Variants in KRT80 observed in about 807,000 individuals in gnomAD.
The protein encoded by KRT80 is keratin, type II cytoskeletal 80.
In KRT80, 36 loss-of-function variants were observed where a neutral mutation model predicts 51.5. The observed-to-expected ratio is 0.70, with a 90% CI of 0.54 to 0.92. KRT80 has a LOEUF of 0.92. Ranked by LOEUF, KRT80 falls within the 40% of genes least tolerant of loss-of-function variation. KRT80 has a pLI of 0.00. For missense variants in KRT80, 566 were observed against 591.7 expected (o/e 0.96, Z 0.45); for synonymous variants, 235 against 248.3 (o/e 0.95, Z 0.50).
chr12:52,171,644 G>A lies in KRT80; in HGVS notation c.1234+14C>T, dbSNP rs1268761592. 6 of 1,551,674 alleles carry A rather than the reference G, an allele frequency of 3.9e-6. No homozygotes were observed. In the African/African-American group the frequency reaches 6.8e-5, roughly 18 times the overall value. On this transcript the variant is annotated intron_variant, in intron 8 of 8. Transcript: ENST00000394815. ...CCTCACCCCACCATGGGTTCTCGGG[G>A]CAAGAGGACTCACCGGTTTTGCACC...
intron 4 of KRT80, among the ~76,000 whole-genome samples, chr12:52,174,212 C>T (rs1041190979): frequency 6.6e-6 from 1 of 152,212 alleles, no homozygotes; most frequent in Non-Finnish European, 1.5e-5. Context: ...GGACGAGCAG[C>T]TCCTTGTGGG....
rs1292082482 is a variant in KRT80, at chr12:52,173,624, C to A, written c.807G>T (p.Glu269Asp). ...CCTGGCTCCGAGAGTATGCCTCGGC[C>A]TCCTCCAGGCTGCGAGCCGCGACGG... is the stretch of plus-strand genomic sequence containing the variant. Reference protein sequence around the residue: ...YDAVAARSLEEAEAYSRSQLE... With the variant: ...YDAVAARSLEDAEAYSRSQLE... The change falls in exon 5 of 9, where the codon GAG becomes GAT. Residue 269 changes from glutamate to aspartate, a missense_variant. By Grantham distance (45) the Glu-to-Asp change is conservative. Coordinates refer to ENST00000394815, the MANE Select transcript of KRT80 (RefSeq NM_182507.3). The A allele has an allele frequency of 3.7e-6, 6 of 1,612,864 alleles. No individual in the cohort carries two copies. The highest frequency in any genetic ancestry group is 5.1e-6 in the Non-Finnish European group (6 of 1,180,036).
At chr12:52,181,539 C>T (rs1181732328) in intron 2 of KRT80, among the ~76,000 whole-genome samples, 2 of 152,216 alleles carry the variant, frequency 1.3e-5, no homozygotes, top group African/African-American at 4.8e-5. Context: ...TGCATCACCC[C>T]TCCTCTCTTG....
Position 52,176,767 on chromosome 12 carries a change from C to T in KRT80, c.667-3003G>A, listed in dbSNP as rs562906671. On this transcript the variant is annotated intron_variant, in intron 4 of 8. Coordinates refer to ENST00000394815, the MANE Select transcript of KRT80 (RefSeq NM_182507.3). Reference sequence around the variant, plus strand: ...AAGTGTTGGGATTACAGGCGTGAGCCACTGTGCCCGGCCAATCACTTCTTA... The same window carrying T: ...AAGTGTTGGGATTACAGGCGTGAGCTACTGTGCCCGGCCAATCACTTCTTA... Among the ~76,000 whole-genome samples, 25 of 152,344 alleles carry T rather than the reference C, an allele frequency of 1.6e-4. 1 individual carries two copies. The South Asian group carries it at 2.9e-3, about 18-fold the overall frequency.
chr12:52,177,597 T>A (rs1941250447), intron 4 of KRT80, among the ~76,000 whole-genome samples: 1 of 151,944 alleles, frequency 6.6e-6, no homozygotes, highest in African/African-American at 2.4e-5. Flanking sequence ...GAGCTCCTAC[T>A]CAGTTGGCTT....
In KRT80 at chr12:52,169,299, T is replaced by A. The variant is rs1941045896; in HGVS notation, c.*2099A>T. 6.6e-6 allele frequency: 1 copy of A among 152,210 alleles called. No homozygotes were observed. Among genetic ancestry groups the A allele is most frequent in the African/African-American group, 2.4e-5 (1 of 41,444 alleles). 9.4% of individuals were successfully genotyped at this position (152,210 alleles called of 1,614,324 possible). A position where few individuals can be genotyped will look rare whatever the true frequency, so the allele number is the denominator to read the frequency against. On this transcript the variant is annotated 3_prime_UTR_variant, in exon 9 of 9. Transcript: ENST00000394815. ...TCCCACCAGGCTCCACTTCCAACAC[T>A]GGGAATTACATTTCAACATGAGATT...
rs114586587 is a variant in KRT80, at chr12:52,185,458, G to A, written c.430C>T (p.Arg144Cys). ...EYQGRLQEEL[R>C]KVSQERGQLE... ...TGCCCCCGCTCCTGGCTCACTTTGC[G>A]CAGTTCCTCCTGCAGCCGGCCCTGA... The change falls in exon 2 of 9, where the codon CGC becomes TGC. Residue 144 changes from arginine (R) to cysteine (C), a missense_variant. Physicochemically the swap from Arg to Cys is radical, Grantham distance 180 (BLOSUM62 -3). Coordinates refer to ENST00000394815, the MANE Select transcript of KRT80 (RefSeq NM_182507.3). 1,710 of 1,613,990 alleles carry A rather than the reference G, an allele frequency of 1.1e-3. 13 individuals are homozygous for A. In the African/African-American group the frequency reaches 0.019, roughly 18 times the overall value.
chr12:52,178,919 C>T (rs1438808012), intron 4 of KRT80, among the ~76,000 whole-genome samples: 1 of 151,720 alleles, frequency 6.6e-6, no homozygotes, highest in East Asian at 1.9e-4. Context: ...CCAAGGACTG[C>T]AAAATCCAAA....
intron 4 of KRT80, 149 bp downstream of exon 4, chr12:52,180,364 G>A (rs1941297472): frequency 2.0e-6 from 1 of 505,708 alleles, no homozygotes; most frequent in Non-Finnish European, 3.4e-6. Flanking sequence ...CACAGGAAGG[G>A]GTTTAGGAAA....
intron 4 of KRT80, among the ~76,000 whole-genome samples, chr12:52,178,860 G>T (rs901648858): frequency 2.6e-4 from 39 of 151,696 alleles, no homozygotes; most frequent in Non-Finnish European, 4.6e-4. Context: ...CTTGCCTAAA[G>T]TTACAGAAAT....
In KRT80 at chr12:52,181,020, A is replaced by C. The variant is rs1186788456; in HGVS notation, c.510-57T>G. 5.0e-6 allele frequency: 7 copies of C among 1,392,400 alleles called. No individual in the cohort carries two copies. In the East Asian group the frequency reaches 1.4e-4, roughly 28 times the overall value. 86.3% of individuals were successfully genotyped at this position (1,392,400 alleles called of 1,614,324 possible). A position where few individuals can be genotyped will look rare whatever the true frequency, so the allele number is the denominator to read the frequency against. Reference sequence around the variant, plus strand: ...TATGGTGGGGGCTTGGGCCTGGTGAACTCCCCTTGGTTGGGGCTCAGGGCC... The same window carrying C: ...TATGGTGGGGGCTTGGGCCTGGTGACCTCCCCTTGGTTGGGGCTCAGGGCC... On this transcript the variant is annotated intron_variant, in intron 2 of 8. Coordinates refer to ENST00000394815, the MANE Select transcript of KRT80 (RefSeq NM_182507.3).
At chr12:52,185,289 C>T in intron 2 of KRT80, 90 bp downstream of exon 2, 14 of 1,266,924 alleles carry the variant, frequency 1.1e-5, no homozygotes, top group Non-Finnish European at 1.5e-5. Flanking sequence ...AACATCTTTC[C>T]TCTTTCTCTG....
At chr12:52,174,355 C>G (rs1354202304) in intron 4 of KRT80, among the ~76,000 whole-genome samples, 1 of 152,196 alleles carries the variant, frequency 6.6e-6, no homozygotes, top group Non-Finnish European at 1.5e-5. Context: ...AACCTGTACT[C>G]CCCTCTCCCG....
At chr12:52,191,453 A>C (rs2120956844) in intron 1 of KRT80, 150 bp downstream of exon 1, 1 of 767,124 alleles carries the variant, frequency 1.3e-6, no homozygotes, top group Non-Finnish European at 2.1e-6. Context: ...GCCTCTGCTC[A>C]GAGCTAGCCT....
chr12:52,189,706 C>T (rs1244929383), intron 1 of KRT80, among the ~76,000 whole-genome samples: 5 of 152,196 alleles, frequency 3.3e-5, no homozygotes, highest in African/African-American at 1.2e-4. Context: ...AACCAGGGCC[C>T]CCAAACGGCC....
At chr12:52,187,901 T>G (rs1001313862) in intron 1 of KRT80, among the ~76,000 whole-genome samples, 2 of 152,172 alleles carry the variant, frequency 1.3e-5, no homozygotes, top group South Asian at 4.1e-4. Context: ...CAGAGAAATC[T>G]TCACACCAGG....
At chr12:52,190,833 G>A (rs1383713319) in intron 1 of KRT80, among the ~76,000 whole-genome samples, 1 of 152,184 alleles carries the variant, frequency 6.6e-6, no homozygotes, top group Non-Finnish European at 1.5e-5. Flanking sequence ...ACAGATTTGG[G>A]AAGTGGATAA....
At chr12:52,184,337 C>G (rs996862258) in intron 2 of KRT80, among the ~76,000 whole-genome samples, 13 of 152,156 alleles carry the variant, frequency 8.5e-5, no homozygotes, top group African/African-American at 3.1e-4. Context: ...TCTCCTCTGC[C>G]CCAGGCTCCT....
At chr12:52,178,612 C>T (rs1006197650) in intron 4 of KRT80, among the ~76,000 whole-genome samples, 2 of 152,230 alleles carry the variant, frequency 1.3e-5, no homozygotes, top group East Asian at 1.9e-4. Context: ...CCCTGCGAAG[C>T]GATCTTGTCC....
Sources: gnomAD v4.1 joint callset for allele counts (sites outside exome capture counted in the v4.1 genomes callset) on GRCh38, gnomAD v4.1.1 for gene constraint, MANE v1.5 for transcripts, NCBI Gene and HGNC (gene_info 2026-07-23, HGNC 2026-07-21) for gene names.